PRUNE2: variants seen among roughly 807,000 people sequenced by gnomAD.
PRUNE2 encodes the protein prune homolog 2 with BCH domain, also known as protein prune homolog 2.
Under a neutral mutation model 252.0 loss-of-function variants are expected in PRUNE2, and 164 were observed. The ratio of observed to expected loss-of-function variants is 0.65; its 90% CI spans 0.57 to 0.74. PRUNE2 has a LOEUF of 0.74. Ranked by LOEUF, PRUNE2 falls within the 30% of genes least tolerant of loss-of-function variation. The probability of loss-of-function intolerance (pLI) is 0.00; values close to 1 mark genes in which losing one functional copy is unlikely to be tolerated. For missense variants in PRUNE2, 3,495 were observed against 3,711.0 expected, an observed-to-expected ratio of 0.94 and a Z score of 1.51; for synonymous variants, 1,292 against 1,350.2, an observed-to-expected ratio of 0.96 and a Z score of 0.94.
chr9:76,858,526 C>T (rs959318056), intron 1 of PRUNE2, among the ~76,000 whole-genome samples: 1 of 152,106 alleles, frequency 6.6e-6, no homozygotes, highest in Admixed American at 6.5e-5. Context: ...CCAGACACTG[C>T]ATGTTCTCAC....
chr9:76,810,978 C>T (rs768502322), intron 6 of PRUNE2, among the ~76,000 whole-genome samples: 3 of 152,118 alleles, frequency 2.0e-5, no homozygotes, highest in Non-Finnish European at 4.4e-5. Flanking sequence ...AGGAGCGTTA[C>T]AGACAAACTA....
intron 1 of PRUNE2, among the ~76,000 whole-genome samples, chr9:76,900,688 T>C (rs1177832074): frequency 6.6e-6 from 1 of 152,196 alleles, no homozygotes; most frequent in Non-Finnish European, 1.5e-5. Context: ...GAAAAATCAG[T>C]AACTAACGTT....
intron 4 of PRUNE2, among the ~76,000 whole-genome samples, chr9:76,830,946 T>C (rs1181190516): frequency 6.6e-6 from 1 of 151,542 alleles, no homozygotes; most frequent in Admixed American, 6.6e-5. Flanking sequence ...TTTTTTTTTT[T>C]TGAGACGGAG....
At chr9:76,683,385 A>G (rs1038413267) in intron 9 of PRUNE2, among the ~76,000 whole-genome samples, 1 of 152,216 alleles carries the variant, frequency 6.6e-6, no homozygotes, top group African/African-American at 2.4e-5. Context: ...AGGAAAAAAA[A>G]TGGGTAAACA....
intron 9 of PRUNE2, among the ~76,000 whole-genome samples, chr9:76,683,343 C>G (rs1354133439): frequency 6.6e-6 from 1 of 152,082 alleles, no homozygotes; most frequent in Admixed American, 6.5e-5. Flanking sequence ...AGAGAGGAAC[C>G]CACTGTATTA....
chr9:76,881,007 C>A (rs1204696874), intron 1 of PRUNE2, among the ~76,000 whole-genome samples: 2 of 146,742 alleles, frequency 1.4e-5, no homozygotes, highest in Non-Finnish European at 3.0e-5. Context: ...ATCGCCCAGG[C>A]TGGAGTGCAG....
At chr9:76,754,394 A>T (rs527896603) in intron 6 of PRUNE2, among the ~76,000 whole-genome samples, 6 of 152,344 alleles carry the variant, frequency 3.9e-5, no homozygotes, top group African/African-American at 1.2e-4. Context: ...CTAACTTCAC[A>T]GAAACATTCT....
intron 6 of PRUNE2, among the ~76,000 whole-genome samples, chr9:76,821,146 G>A (rs566208264): frequency 1.1e-4 from 16 of 152,276 alleles, no homozygotes; most frequent in Non-Finnish European, 2.1e-4. Flanking sequence ...AGAGTTCAGA[G>A]GGTGGTAATA....
intron 1 of PRUNE2, among the ~76,000 whole-genome samples, chr9:76,860,627 G>A (rs2060495583): frequency 6.6e-6 from 1 of 152,004 alleles, no homozygotes; most frequent in African/African-American, 2.4e-5. Context: ...GAAAATTTTT[G>A]GAACACTTTT....
intron 6 of PRUNE2, among the ~76,000 whole-genome samples, chr9:76,721,756 T>A (rs952214385): frequency 1.3e-5 from 2 of 152,186 alleles, no homozygotes; most frequent in Admixed American, 1.3e-4. Flanking sequence ...ACATTTACAG[T>A]CTGCATGGAT....
At chr9:76,694,031 T>G (rs2045111096) in intron 9 of PRUNE2, among the ~76,000 whole-genome samples, 16 of 152,216 alleles carry the variant, frequency 1.1e-4, no homozygotes, top group Admixed American at 1.0e-3. Flanking sequence ...CTTGGGAATG[T>G]CTGCCCAGGG....
intron 1 of PRUNE2, among the ~76,000 whole-genome samples, chr9:76,864,369 G>A (rs1179531640): frequency 2.0e-5 from 3 of 151,980 alleles, no homozygotes; most frequent in Non-Finnish European, 4.4e-5. Context: ...TGGGTGACAG[G>A]ACCATCTGTA....
Position 76,637,398 on chromosome 9 carries a change from A to G in PRUNE2, c.8963+20T>C, listed in dbSNP as rs755164916. 1.9e-6 allele frequency: 3 copies of G among 1,612,296 alleles called. No individual in the cohort carries two copies. Among genetic ancestry groups the G allele is most frequent in the Admixed American group, 3.3e-5 (2 of 59,882 alleles). ...GTTTACCAAAATCAAAATAGTGATT[A>G]AATAATAGAGCCCACATACCGTCTG... On this transcript the variant is annotated intron_variant, in intron 14 of 18. Transcript: ENST00000376718.
intron 15 of PRUNE2, 37 bp from the exon 16 acceptor site, chr9:76,629,327 G>A: frequency 9.2e-7 from 1 of 1,085,900 alleles, no homozygotes; most frequent in Non-Finnish European, 1.3e-6. Flanking sequence ...TGTATCATTA[G>A]TCACTACCTT....
intron 11 of PRUNE2, among the ~76,000 whole-genome samples, chr9:76,646,200 A>G (rs1332075746): frequency 6.6e-6 from 1 of 152,156 alleles, no homozygotes; most frequent in Non-Finnish European, 1.5e-5. Flanking sequence ...CCCACTCCCT[A>G]CTTAGCTTAC....
At chr9:76,867,826 C>T (rs1369664724) in intron 1 of PRUNE2, among the ~76,000 whole-genome samples, 2 of 152,154 alleles carry the variant, frequency 1.3e-5, no homozygotes, top group African/African-American at 2.4e-5. Flanking sequence ...CCACCTCGGC[C>T]TTCCAAAGTG....
intron 9 of PRUNE2, 32 bp downstream of exon 9, chr9:76,703,305 A>C: frequency 6.5e-7 from 1 of 1,535,220 alleles, no homozygotes; most frequent in Non-Finnish European, 8.7e-7. Context: ...ATTGCTTTTC[A>C]GGAAAAAAAA....
intron 6 of PRUNE2, among the ~76,000 whole-genome samples, chr9:76,727,710 C>CTTTTTTT (rs373565657): frequency 9.3e-5 from 4 of 42,908 alleles, no homozygotes; most frequent in Admixed American, 4.3e-4. Flanking sequence ...GTAAACAGGG[C>CTTTTTTT]TTTTTTTTTT....
chr9:76,768,393 A>T (rs943356760), intron 6 of PRUNE2, among the ~76,000 whole-genome samples: 3 of 152,008 alleles, frequency 2.0e-5, no homozygotes, highest in Non-Finnish European at 4.4e-5. Flanking sequence ...GGGGTTCACC[A>T]TGTTGGCCAA....
Sources: allele counts gnomAD v4.1 joint callset (sites outside exome capture counted in the v4.1 genomes callset), GRCh38; gene constraint gnomAD v4.1.1; transcripts MANE v1.5; gene names NCBI Gene and HGNC (gene_info 2026-07-23, HGNC 2026-07-21).